Variants in SUCLA2 observed in about 807,000 individuals in gnomAD.
SUCLA2 encodes succinate-CoA ligase ADP-forming subunit beta, also known as succinate--CoA ligase [ADP-forming] subunit beta, mitochondrial.
A neutral mutation model predicts 54.8 loss-of-function variants in SUCLA2; 30 were observed. The ratio of observed to expected loss-of-function variants is 0.55; its 90% confidence interval spans 0.41 to 0.74. The LOEUF is 0.74. Among genes scored for constraint, SUCLA2 ranks in the 30% least tolerant of loss-of-function variants. The pLI is 0.00. For missense variants in SUCLA2, 476 were observed against 562.9 expected (o/e 0.85, Z 1.56); for synonymous variants, 172 against 188.9 (o/e 0.91, Z 0.74).
At chr13:47,954,840 A>T (rs1949806404) in intron 6 of SUCLA2, among the ~76,000 whole-genome samples, 1 of 152,154 alleles carries the variant, frequency 6.6e-6, no homozygotes, top group Non-Finnish European at 1.5e-5. Context: ...AAAATTGTCA[A>T]AAATTAACTA....
intron 4 of SUCLA2, among the ~76,000 whole-genome samples, chr13:47,980,083 T>G (rs571580900): frequency 6.6e-6 from 1 of 152,176 alleles, no homozygotes. Flanking sequence ...ATAAGACTTA[T>G]GAACCAAAAA....
intron 10 of SUCLA2, among the ~76,000 whole-genome samples, chr13:47,943,752 G>C (rs1045644870): frequency 8.5e-6 from 1 of 117,126 alleles, no homozygotes; most frequent in Non-Finnish European, 1.7e-5. Flanking sequence ...GTATGTGTGT[G>C]TGTGTGTGTG....
At chr13:47,988,448 A>G (rs1950122305) in intron 4 of SUCLA2, 93 bp downstream of exon 4, 2 of 1,438,552 alleles carry the variant, frequency 1.4e-6, no homozygotes, top group East Asian at 4.6e-5. Flanking sequence ...TTGTACTTTT[A>G]AAATCTTTCC....
intron 6 of SUCLA2, among the ~76,000 whole-genome samples, chr13:47,959,505 GA>G (rs139333265): frequency 1.7e-4 from 1 of 6,014 alleles, no homozygotes; most frequent in Non-Finnish European, 5.1e-4. Flanking sequence ...GGAGCGGGGG[GA>G]GGAGGAGGAG....
chr13:47,992,520 C>T (rs557047989), intron 2 of SUCLA2, among the ~76,000 whole-genome samples: 67 of 152,222 alleles, frequency 4.4e-4, no homozygotes, highest in Non-Finnish European at 7.8e-4. Context: ...CATTAATTCA[C>T]TCAACAGGTT....
At chr13:47,997,113 G>T in intron 1 of SUCLA2, 90 bp from the exon 2 acceptor site, 2 of 1,339,190 alleles carry the variant, frequency 1.5e-6, no homozygotes, top group Non-Finnish European at 2.1e-6. Context: ...TAACAAAACT[G>T]TTACATTACA....
Position 47,965,868 on chromosome 13 carries a change from G to A in SUCLA2, c.802+2727C>T, listed in dbSNP as rs911561192. ...TCAAGACCATCCTGGCTAACATGGT[G>A]AAACCCCATCTCTACTAAAAATACA... On this transcript the variant is annotated intron_variant, in intron 6 of 10. Transcript: ENST00000646932. Among the ~76,000 whole-genome samples the A allele has an allele frequency of 2.0e-5, 3 of 152,174 alleles. No individual in the cohort carries two copies. In the East Asian group the frequency reaches 5.8e-4, roughly 29 times the overall value.
intron 1 of SUCLA2, among the ~76,000 whole-genome samples, chr13:48,000,608 C>G (rs1950222495): frequency 1.3e-5 from 2 of 152,178 alleles, no homozygotes. Context: ...ATTTTCTTAC[C>G]TCTCCAACTG....
intron 10 of SUCLA2, chr13:47,945,691 C>T (rs1949725713): frequency 6.7e-6 from 1 of 150,120 alleles, no homozygotes; most frequent in Non-Finnish European, 1.5e-5. Flanking sequence ...CACACAAAGT[C>T]CCCCCCTTAT....
chr13:47,955,134 G>A (rs1287772301), intron 6 of SUCLA2, among the ~76,000 whole-genome samples: 1 of 152,120 alleles, frequency 6.6e-6, no homozygotes, highest in Non-Finnish European at 1.5e-5. Context: ...CTCAGAACAA[G>A]GGTTTCTGGG....
rs561635675 is a variant in SUCLA2 at position 47,988,316 on chromosome 13, A to G, written c.534+225T>C. ...ATTTGAGAATCCCATGAAATTTATT[A>G]CAGCAGAATTTTTCCTATAATTTTA... On this transcript the variant is annotated intron_variant, in intron 4 of 10. Coordinates refer to ENST00000646932, the MANE Select transcript of SUCLA2 (RefSeq NM_003850.3). 17 of 547,218 alleles carry G rather than the reference A, an allele frequency of 3.1e-5. No individual in the cohort carries two copies. The South Asian group carries it at 4.4e-4, about 14-fold the overall frequency. The allele number at this position is 547,218 out of a possible 1,614,324, so 33.9% of individuals were successfully genotyped here. A position where few individuals can be genotyped will look rare whatever the true frequency, so the allele number is the denominator to read the frequency against.
intron 2 of SUCLA2, among the ~76,000 whole-genome samples, chr13:47,990,443 ATAT>A (rs1950140287): frequency 6.6e-6 from 1 of 152,126 alleles, no homozygotes; most frequent in Admixed American, 6.5e-5. Flanking sequence ...TACCACAAAA[ATAT>A]TATGTATCAG....
intron 1 of SUCLA2, among the ~76,000 whole-genome samples, chr13:47,998,790 A>G (rs1950208151): frequency 6.6e-6 from 1 of 152,204 alleles, no homozygotes; most frequent in Admixed American, 6.5e-5. Flanking sequence ...TGAGGGCTGG[A>G]AACATTGTAT....
intron 1 of SUCLA2, among the ~76,000 whole-genome samples, chr13:48,000,405 A>G (rs1950221113): frequency 6.6e-6 from 1 of 152,234 alleles, no homozygotes. Flanking sequence ...CCTAGTCCAA[A>G]TTACTTGTTC....
At chr13:47,993,484 T>C (rs1276914194) in intron 2 of SUCLA2, among the ~76,000 whole-genome samples, 2 of 152,192 alleles carry the variant, frequency 1.3e-5, no homozygotes, top group Non-Finnish European at 2.9e-5. Flanking sequence ...CATTCCTCCA[T>C]TCCTAACCTC....
Position 47,985,661 on chromosome 13 carries a change from A to G in SUCLA2, c.534+2880T>C, listed in dbSNP as rs184124098. ...ATCGGTGGATGTTTAGGTTGATTCC[A>G]TGTCTTTGCTATTGTGAACAGTGCT... On this transcript the variant is annotated intron_variant, in intron 4 of 10. Coordinates refer to ENST00000646932, the MANE Select transcript of SUCLA2 (RefSeq NM_003850.3). Among the ~76,000 whole-genome samples, 392 of 152,216 alleles carry G rather than the reference A, an allele frequency of 2.6e-3. 3 individuals carry two copies. The highest frequency in any genetic ancestry group is 9.1e-3 in the African/African-American group (376 of 41,510).
At chr13:47,980,412 C>CT (rs1294515312) in intron 4 of SUCLA2, among the ~76,000 whole-genome samples, 1 of 150,540 alleles carries the variant, frequency 6.6e-6, no homozygotes, top group Non-Finnish European at 1.5e-5. Context: ...GAGACTCCAT[C>CT]TCAAAAAAAA....
In SUCLA2 at chr13:47,996,094, C is replaced by T. The variant is rs183614436; in HGVS notation, c.271+749G>A. On this transcript the variant is annotated intron_variant, in intron 2 of 10. Coordinates refer to ENST00000646932, the MANE Select transcript of SUCLA2 (RefSeq NM_003850.3). The stretch of plus-strand genomic sequence containing the variant: ...ATCCCAGCACTTTGGGAGGCGGAGG[C>T]GGGCAGATCACGAGGTCAGGAGTTC... 1.7e-3 allele frequency among the ~76,000 whole-genome samples: 265 copies of T among 151,922 alleles called. 1 individual carries two copies. The highest frequency in any genetic ancestry group is 6.1e-3 in the African/African-American group (251 of 41,468).
chr13:47,958,548 C>T (rs1354761762), intron 6 of SUCLA2, among the ~76,000 whole-genome samples: 1 of 152,146 alleles, frequency 6.6e-6, no homozygotes, highest in Non-Finnish European at 1.5e-5. Context: ...AAAATAGCAA[C>T]GTCCTCAGAA....
Sources: allele counts gnomAD v4.1 joint callset (sites outside exome capture counted in the v4.1 genomes callset), GRCh38; gene constraint gnomAD v4.1.1; transcripts MANE v1.5; gene names NCBI Gene and HGNC (gene_info 2026-07-23, HGNC 2026-07-21).